ARHGAP5: variants seen among roughly 807,000 people sequenced by gnomAD.
ARHGAP5 encodes the protein Rho GTPase activating protein 5.
Under a neutral mutation model 116.6 loss-of-function variants are expected in ARHGAP5, and 23 were observed. The ratio of observed to expected loss-of-function variants is 0.20; its 90% CI spans 0.14 to 0.28. The LOEUF is 0.28. Ranked by LOEUF, ARHGAP5 falls within the 10% of genes least tolerant of loss-of-function variation. The pLI, the probability that ARHGAP5 is intolerant of heterozygous loss-of-function variation, is 1.00. For synonymous variants in ARHGAP5, 574 were observed against 602.0 expected (o/e 0.95, Z 0.68); for missense variants, 1,405 against 1,774.8 (o/e 0.79, Z 3.74).
chr14:32,150,995 T>C (rs1881612520), intron 5 of ARHGAP5, among the ~76,000 whole-genome samples: 2 of 152,218 alleles, frequency 1.3e-5, no homozygotes, highest in East Asian at 3.8e-4. Context: ...ACTATTTCCT[T>C]TTGGTTGCAA....
chr14:32,109,035 A>G (rs919024692), intron 2 of ARHGAP5, among the ~76,000 whole-genome samples: 11 of 152,136 alleles, frequency 7.2e-5, no homozygotes, highest in Admixed American at 5.2e-4. Flanking sequence ...ATTCTAGATC[A>G]TTGTCAAGTG....
chr14:32,086,511 G>GA (rs2041830796), intron 1 of ARHGAP5, among the ~76,000 whole-genome samples: 1 of 150,538 alleles, frequency 6.6e-6, no homozygotes, highest in Admixed American at 6.6e-5. Flanking sequence ...AGTAAAAGTA[G>GA]AAAAAACTGA....
At position 32,091,474 on chromosome 14, in the gene ARHGAP5, G is replaced by C. The variant is rs530270120; in HGVS notation, c.805G>C (p.Val269Leu). 6.8e-6 allele frequency: 11 copies of C among 1,613,052 alleles called. No individual in the cohort carries two copies. The highest frequency in any genetic ancestry group is 5.0e-5 in the Admixed American group (3 of 59,874). ...LDAYKTQRQL[V>L]VTATDKFEKL... is the part of the protein sequence containing the mutation. ...TGCTTATAAAACACAGAGACAACTT[G>C]TTGTCACAGCAACAGATAAGTTTGA... is the stretch of plus-strand genomic sequence containing the variant. The change falls in exon 2 of 7, where the codon GTT becomes CTT. Residue 269 changes from valine to leucine, a missense_variant. Physicochemically the swap from Val to Leu is conservative, Grantham distance 32. Around this residue, in one of 6 missense-constraint regions of ARHGAP5, gnomAD observed 944 missense variants for 1,095.3 expected, o/e 0.86. Coordinates refer to ENST00000345122, the MANE Select transcript of ARHGAP5 (RefSeq NM_001030055.2).
chr14:32,093,372 G>A lies in ARHGAP5; in HGVS notation c.2703G>A (p.Met901Ile). ...AAAATGAGGCTATCAAAGAGTTAAT[G>A]ACTGAAGGAGAACACATTGCAACTG... ...FFENEAIKEL[M>I]TEGEHIATEI... Residue 901 changes from methionine (M) to isoleucine (I), a missense_variant, in exon 2 of 7, where the codon ATG (methionine) becomes ATA (isoleucine). Met to Ile is a conservative substitution (Grantham distance 10). Coordinates refer to ENST00000345122, the MANE Select transcript of ARHGAP5 (RefSeq NM_001030055.2). The A allele has an allele frequency of 6.2e-7, 1 of 1,613,920 alleles. No individual in the cohort carries two copies. Among genetic ancestry groups the A allele is most frequent in the Non-Finnish European group, 8.5e-7 (1 of 1,179,908 alleles).
At chr14:32,103,687 A>G (rs1188808846) in intron 2 of ARHGAP5, among the ~76,000 whole-genome samples, 2 of 151,764 alleles carry the variant, frequency 1.3e-5, no homozygotes, top group African/African-American at 4.9e-5. Flanking sequence ...AATTGTGTCA[A>G]TCCTAGGAGA....
At chr14:32,148,204 A>G (rs1881480307) in intron 4 of ARHGAP5, among the ~76,000 whole-genome samples, 1 of 151,574 alleles carries the variant, frequency 6.6e-6, no homozygotes, top group Non-Finnish European at 1.5e-5. Context: ...CTATCTATCT[A>G]TCTATCTATG....
In ARHGAP5 at chr14:32,157,662, A is replaced by G. The variant is rs1007528591; in HGVS notation, c.*2714A>G. ...CTAATTTAAGAATAAAATTCCAGGC[A>G]CAATATATTTTTTTTAAATGGTATT... On this transcript the variant is annotated 3_prime_UTR_variant, in exon 7 of 7. Transcript: ENST00000345122. 5 of 151,872 alleles carry G rather than the reference A, an allele frequency of 3.3e-5. No individual in the cohort carries two copies. Among genetic ancestry groups the G allele is most frequent in the African/African-American group, 1.2e-4 (5 of 41,438 alleles). The allele number at this position is 151,872 out of a possible 1,614,324, so 9.4% of individuals were successfully genotyped here.
At chr14:32,151,782 T>C (rs1881648878) in intron 5 of ARHGAP5, among the ~76,000 whole-genome samples, 1 of 152,228 alleles carries the variant, frequency 6.6e-6, no homozygotes, top group Non-Finnish European at 1.5e-5. Context: ...TAAATCAGTA[T>C]CTAGTTACGT....
intron 1 of ARHGAP5, among the ~76,000 whole-genome samples, chr14:32,079,100 AC>A (rs1333395205): frequency 2.0e-5 from 3 of 152,256 alleles, no homozygotes; most frequent in African/African-American, 7.2e-5. Flanking sequence ...TTATGACTAA[AC>A]GCACTGGAGT....
Position 32,155,448 on chromosome 14 carries a change from C to T in ARHGAP5, c.*500C>T, listed in dbSNP as rs1881851340. ...TTTTATAATTTCAGGCTACTGAGGC[C>T]ATGCTTGGGATGTTGTTTGAAAGAA... On this transcript the variant is annotated 3_prime_UTR_variant, in exon 7 of 7. Coordinates refer to ENST00000345122, the MANE Select transcript of ARHGAP5 (RefSeq NM_001030055.2). The T allele has an allele frequency of 1.3e-5, 2 of 153,180 alleles. No homozygotes were observed. The highest frequency in any genetic ancestry group is 2.1e-4 in the South Asian group (1 of 4,856). The allele number at this position is 153,180 out of a possible 1,614,324, so 9.5% of individuals were successfully genotyped here. A position where few individuals can be genotyped will look rare whatever the true frequency, so the allele number is the denominator to read the frequency against.
At chr14:32,104,762 C>T (rs1408031769) in intron 2 of ARHGAP5, among the ~76,000 whole-genome samples, 2 of 152,114 alleles carry the variant, frequency 1.3e-5, no homozygotes, top group African/African-American at 2.4e-5. Flanking sequence ...AGTCTTGAGT[C>T]GTGTATGGAC....
chr14:32,159,333 TAGTA>T lies in ARHGAP5; in HGVS notation c.*4389_*4392del, dbSNP rs1001552801. ...ATTTTCTATTCAGTTTTGTCTCAAA[TAGTA>T]AGTTATTGTGAACAATTTAATAACG... On this transcript the variant is annotated 3_prime_UTR_variant, in exon 7 of 7. Transcript: ENST00000345122. 8.5e-5 allele frequency: 13 copies of T among 152,290 alleles called. No homozygotes were observed. Among genetic ancestry groups the T allele is most frequent in the African/African-American group, 2.6e-4 (11 of 41,590 alleles). 9.4% of individuals were successfully genotyped at this position (152,290 alleles called of 1,614,324 possible).
At chr14:32,126,813 G>A (rs750061809) in intron 3 of ARHGAP5, among the ~76,000 whole-genome samples, 30 of 151,828 alleles carry the variant, frequency 2.0e-4, no homozygotes, top group Non-Finnish European at 2.9e-4. Context: ...AGTAGTGAGC[G>A]TTTAATGGGT....
intron 4 of ARHGAP5, among the ~76,000 whole-genome samples, chr14:32,146,630 A>G (rs569973715): frequency 1.2e-4 from 19 of 152,340 alleles, no homozygotes; most frequent in African/African-American, 4.6e-4. Flanking sequence ...GAAATAGATG[A>G]TAAGAAACTT....
At chr14:32,077,637 A>G (rs2041721753) in intron 1 of ARHGAP5, among the ~76,000 whole-genome samples, 1 of 152,034 alleles carries the variant, frequency 6.6e-6, no homozygotes, top group South Asian at 2.1e-4. Flanking sequence ...CGTTAGGGAT[A>G]CGTTCGGCGT....
intron 3 of ARHGAP5, among the ~76,000 whole-genome samples, chr14:32,134,731 A>G (rs553359720): frequency 1.6e-4 from 25 of 152,358 alleles, no homozygotes; most frequent in African/African-American, 6.0e-4. Context: ...AAATATCATC[A>G]CAATGTCTCA....
At chr14:32,118,358 A>G (rs1879710985) in intron 3 of ARHGAP5, among the ~76,000 whole-genome samples, 2 of 151,836 alleles carry the variant, frequency 1.3e-5, no homozygotes. Flanking sequence ...TTATCTGGGC[A>G]TTGTGGTTTG....
At chr14:32,110,876 A>G (rs1234958941) in intron 2 of ARHGAP5, among the ~76,000 whole-genome samples, 1 of 152,214 alleles carries the variant, frequency 6.6e-6, no homozygotes. Context: ...TGACTCCAAG[A>G]TTTGTATTCC....
intron 1 of ARHGAP5, among the ~76,000 whole-genome samples, chr14:32,089,188 A>G (rs939526916): frequency 6.6e-6 from 1 of 152,004 alleles, no homozygotes; most frequent in Non-Finnish European, 1.5e-5. Flanking sequence ...TCAAGATTTT[A>G]AATTATGAGC....
Sources: gnomAD v4.1 joint callset for allele counts (sites outside exome capture counted in the v4.1 genomes callset) on GRCh38, gnomAD v4.1.1 for gene constraint, gnomAD v4.1.1 regional missense constraint, MANE v1.5 for transcripts, NCBI Gene and HGNC (gene_info 2026-07-23, HGNC 2026-07-21) for gene names.